COMMD9: variants seen among roughly 807,000 people sequenced by gnomAD.
COMMD9 encodes COMM domain containing 9, also known as COMM domain-containing protein 9.
In COMMD9, 22 loss-of-function variants were observed where a neutral mutation model predicts 23.4. The ratio of observed to expected loss-of-function variants is 0.94; its 90% CI spans 0.67 to 1.34. The LOEUF (loss-of-function observed/expected upper bound fraction) is 1.34, where lower values mean the gene tolerates loss of function less well. Among genes scored for constraint, COMMD9 ranks in the 40% most tolerant of loss-of-function variants. COMMD9 has a pLI of 0.00. For missense variants in COMMD9, 231 were observed against 240.2 expected, an observed-to-expected ratio of 0.96 and a Z score of 0.25; for synonymous variants, 99 against 97.4, an observed-to-expected ratio of 1.02 and a Z score of -0.10.
chr11:36,283,598 A>T (rs998368295), intron 1 of COMMD9, among the ~76,000 whole-genome samples: 15 of 152,328 alleles, frequency 9.8e-5, no homozygotes, highest in African/African-American at 3.6e-4. Flanking sequence ...GATAAACCAA[A>T]ATAGGATTCT....
chr11:36,287,075 G>A (rs115181943), intron 1 of COMMD9, among the ~76,000 whole-genome samples: 36,393 of 62,080 alleles, frequency 0.59, 15,010 homozygotes, highest in East Asian at 0.81. Flanking sequence ...TGTATATCGC[G>A]TAGTATGTAT....
chr11:36,284,877 A>C (rs1373718451), intron 1 of COMMD9, among the ~76,000 whole-genome samples: 1 of 152,232 alleles, frequency 6.6e-6, no homozygotes, highest in Non-Finnish European at 1.5e-5. Context: ...ACAGCCTAGC[A>C]AGTGGTGAGA....
At chr11:36,276,816 A>G in intron 4 of COMMD9, 1 of 308,974 alleles carries the variant, frequency 3.2e-6, no homozygotes, top group Non-Finnish European at 5.9e-6. Context: ...GATTATTGTT[A>G]ATTTTTTTCA....
Position 36,274,508 on chromosome 11 carries a change from C to G in COMMD9, c.*124G>C. 1.6e-6 allele frequency: 2 copies of G among 1,217,106 alleles called. No homozygotes were observed. Among genetic ancestry groups the G allele is most frequent in the Non-Finnish European group, 2.4e-6 (2 of 840,052 alleles). 75.4% of individuals were successfully genotyped at this position (1,217,106 alleles called of 1,614,324 possible). On this transcript the variant is annotated 3_prime_UTR_variant, in exon 6 of 6. Coordinates refer to ENST00000263401, the MANE Select transcript of COMMD9 (RefSeq NM_014186.4). ...AACTGTAACTTCTGGATGGCAGTAG[C>G]CCCCTGCTGTCCCCACCATCCTGCC...
At chr11:36,286,763 C>T (rs1856165851) in intron 1 of COMMD9, among the ~76,000 whole-genome samples, 1 of 151,730 alleles carries the variant, frequency 6.6e-6, no homozygotes, top group African/African-American at 2.4e-5. Flanking sequence ...TATTGATACA[C>T]ACAACATGGA....
rs76506522 is a variant in COMMD9 at position 36,278,797 on chromosome 11, C to T, written c.178-181G>A. Among the ~76,000 whole-genome samples the T allele has an allele frequency of 5.2e-3, 796 of 152,320 alleles. 1 individual carries two copies. The highest frequency in any genetic ancestry group is 9.0e-3 in the Non-Finnish European group (610 of 68,020). On this transcript the variant is annotated intron_variant, in intron 2 of 5. Coordinates refer to ENST00000263401, the MANE Select transcript of COMMD9 (RefSeq NM_014186.4). ...ATGCCCCACATGCCTTGGCCTGCCT[C>T]GGAGTTCACCTGTTGCTTTAGAAGA...
chr11:36,280,598 A>G (rs1856048585), intron 2 of COMMD9, 114 bp downstream of exon 2: 1 of 1,053,502 alleles, frequency 9.5e-7, no homozygotes, highest in Admixed American at 2.7e-5. Flanking sequence ...AAAGTTTGCT[A>G]CAGTGTCAAC....
chr11:36,285,602 T>C (rs916405303), intron 1 of COMMD9, among the ~76,000 whole-genome samples: 6 of 152,086 alleles, frequency 3.9e-5, no homozygotes, highest in African/African-American at 1.2e-4. Context: ...TAAAAATAGA[T>C]GCGAAAATTC....
intron 4 of COMMD9, 142 bp from the exon 5 acceptor site, chr11:36,276,382 G>C: frequency 1.6e-6 from 1 of 621,938 alleles, no homozygotes; most frequent in Middle Eastern, 4.4e-4. Flanking sequence ...GATAAACAAA[G>C]CCCGAGACCC....
At chr11:36,286,844 T>G (rs1856167141) in intron 1 of COMMD9, among the ~76,000 whole-genome samples, 1 of 152,166 alleles carries the variant, frequency 6.6e-6, no homozygotes, top group Admixed American at 6.6e-5. Flanking sequence ...TTATACGGCA[T>G]TCTTGAAATG....
chr11:36,286,404 A>AAAAG (rs1856153767), intron 1 of COMMD9, among the ~76,000 whole-genome samples: 1 of 95,732 alleles, frequency 1.0e-5, no homozygotes, highest in Non-Finnish European at 2.0e-5. Context: ...ACAAAAAAAA[A>AAAAG]AAAAAAAAAG....
rs1304403850 is a variant in COMMD9 at position 36,274,659 on chromosome 11, G to T, written c.570C>A (p.Asp190Glu). Residue 190 changes from aspartate to glutamate, a missense_variant, in exon 6 of 6, where the codon GAC becomes GAA. Coordinates refer to ENST00000263401, the MANE Select transcript of COMMD9 (RefSeq NM_014186.4). ...ATTTACTGGCCACGGCAGAGAGTTG[G>T]TCTCGGATGCGGCCCAGGCCATCTA... ...TMLDGLGRIR[D>E]QLSAVASK 1 of 1,614,270 alleles carries T rather than the reference G, an allele frequency of 6.2e-7. No homozygotes were observed. Among genetic ancestry groups the T allele is most frequent in the South Asian group, 1.1e-5 (1 of 91,090 alleles).
intron 2 of COMMD9, 45 bp from the exon 3 acceptor site, chr11:36,278,661 G>A (rs12293902): frequency 0.071 from 113,115 of 1,602,096 alleles, 4,440 homozygotes; most frequent in South Asian, 0.12. Context: ...AGAAGCAGCA[G>A]GCAGGGGGCA....
intron 1 of COMMD9, among the ~76,000 whole-genome samples, chr11:36,288,159 A>C (rs557467340): frequency 6.6e-6 from 1 of 152,282 alleles, no homozygotes; most frequent in Non-Finnish European, 1.5e-5. Flanking sequence ...GCTGTGTGCC[A>C]GGTATTATTG....
Position 36,285,296 on chromosome 11 carries a change from C to G in COMMD9, c.51+4066G>C, listed in dbSNP as rs1162742423. 2.0e-5 allele frequency among the ~76,000 whole-genome samples: 3 copies of G among 152,134 alleles called. No individual in the cohort carries two copies. The East Asian group carries it at 5.8e-4, about 29-fold the overall frequency. The stretch of plus-strand genomic sequence containing the variant: ...ATTCCTCAAATAACACAAACTACTT[C>G]CACTCCCCTAATATGAAATTGATCA... On this transcript the variant is annotated intron_variant, in intron 1 of 5. Transcript: ENST00000263401.
chr11:36,274,836 CCCTGAA>C, intron 5 of COMMD9, 64 bp from the exon 6 acceptor site: 1 of 1,592,850 alleles, frequency 6.3e-7, no homozygotes, highest in Non-Finnish European at 8.6e-7. Flanking sequence ...TGTAAGTGAG[CCCTGAA>C]CCTGCGAGGC....
chr11:36,274,787 C>G lies in COMMD9; in HGVS notation c.457-15G>C, dbSNP rs772287346. On this transcript the variant is annotated splice_polypyrimidine_tract_variant and intron_variant, in intron 5 of 5. Coordinates refer to ENST00000263401, the MANE Select transcript of COMMD9 (RefSeq NM_014186.4). ...TCTTCTTGGATCTGAAACGAGAACA[C>G]AGCCCAGAAAGTCAAAGCTGCCTCT... The G allele has an allele frequency of 3.5e-5, 56 of 1,613,856 alleles. No individual in the cohort carries two copies. The highest frequency in any genetic ancestry group is 4.6e-5 in the Non-Finnish European group (54 of 1,179,892).
chr11:36,277,473 C>A (rs907983976), intron 3 of COMMD9, among the ~76,000 whole-genome samples: 1 of 152,194 alleles, frequency 6.6e-6, no homozygotes, highest in Non-Finnish European at 1.5e-5. Context: ...CTACTGCATA[C>A]ACAAATATTG....
At chr11:36,279,704 T>A (rs1717743909) in intron 2 of COMMD9, among the ~76,000 whole-genome samples, 1 of 152,232 alleles carries the variant, frequency 6.6e-6, no homozygotes, top group Admixed American at 6.5e-5. Context: ...TCCCAAATAA[T>A]CTACTTTGGG....
Sources: gnomAD v4.1 joint callset for allele counts (sites outside exome capture counted in the v4.1 genomes callset) on GRCh38, gnomAD v4.1.1 for gene constraint, MANE v1.5 for transcripts, NCBI Gene and HGNC (gene_info 2026-07-23, HGNC 2026-07-21) for gene names.